KRABD4: variants seen among roughly 807,000 people sequenced by gnomAD.
KRABD4 encodes KRAB domain-containing protein 4.
the KRABD4 span, chrX:46,473,526 T>C: frequency 1.5e-6 from 1 of 687,009 alleles, no homozygotes; most frequent in Admixed American, 3.8e-5. Flanking sequence ...GTGGGAAATC[T>C]TTTAGTGTTA....
At chrX:46,450,420 T>C in the KRABD4 span, 67 of 1,169,416 alleles carry the variant, frequency 5.7e-5, 1 homozygote, top group East Asian at 2.0e-3. Context: ...CTCCTAATTT[T>C]GCCTTTATAG....
the KRABD4 span, chrX:46,474,325 C>G: frequency 8.9e-6 from 1 of 111,790 alleles, no homozygotes; most frequent in African/African-American, 3.2e-5. Flanking sequence ...GTTGTGGCCA[C>G]AGTGCATCAT....
the KRABD4 span, among the ~76,000 whole-genome samples, chrX:46,452,285 CTTT>C: frequency 2.0e-5 from 2 of 100,588 alleles, no homozygotes; most frequent in African/African-American, 3.6e-5. Context: ...CTTTCTGGTC[CTTT>C]TTTTTTTTTT....
At chrX:46,456,323 ATAAT>A in the KRABD4 span, 3 of 107,129 alleles carry the variant, frequency 2.8e-5, no homozygotes, top group African/African-American at 1.0e-4. Context: ...AATATAAAGT[ATAAT>A]TTATTAATTA....
the KRABD4 span, chrX:46,463,178 A>G: frequency 1.9e-5 from 23 of 1,200,191 alleles, no homozygotes; most frequent in African/African-American, 5.3e-5. Context: ...ACGAAGTCCT[A>G]TGTCATTTCC....
the KRABD4 span, chrX:46,472,464 C>A: frequency 7.2e-6 from 2 of 276,937 alleles, no homozygotes; most frequent in East Asian, 1.4e-4. Flanking sequence ...AATTTCTGTT[C>A]ACTCCCTCAC....
At chrX:46,462,289 A>T in the KRABD4 span, among the ~76,000 whole-genome samples, 1 of 111,499 alleles carries the variant, frequency 9.0e-6, no homozygotes, top group Non-Finnish European at 1.9e-5. Context: ...AGGCGGGCAG[A>T]TCACAAGGTC....
chrX:46,462,555 A>C, the KRABD4 span: 1 of 643,121 alleles, frequency 1.6e-6, no homozygotes. Context: ...TGGGAACCAG[A>C]CCGTGTGGAT....
At chrX:46,468,884 A>C in the KRABD4 span, among the ~76,000 whole-genome samples, 1 of 111,795 alleles carries the variant, frequency 8.9e-6, no homozygotes. Context: ...CCAAAATCCT[A>C]AATGCTCCAA....
At chrX:46,453,300 G>A in the KRABD4 span, among the ~76,000 whole-genome samples, 2 of 112,023 alleles carry the variant, frequency 1.8e-5, no homozygotes, top group Non-Finnish European at 3.8e-5. Context: ...CGGTGGCACC[G>A]TTGAGTCTCC....
At chrX:46,450,557 C>T in the KRABD4 span, 1 of 858,487 alleles carries the variant, frequency 1.2e-6, no homozygotes, top group South Asian at 2.3e-5. Context: ...TTGAAAATAC[C>T]AATTATCCCC....
At chrX:46,454,794 G>T in the KRABD4 span, among the ~76,000 whole-genome samples, 3 of 111,597 alleles carry the variant, frequency 2.7e-5, no homozygotes, top group African/African-American at 9.8e-5. Context: ...GCGAGATTCT[G>T]TCTCAAAAAA....
chrX:46,473,539 T>A, the KRABD4 span: 1 of 614,668 alleles, frequency 1.6e-6, no homozygotes, highest in Non-Finnish European at 2.5e-6. Flanking sequence ...TAGTGTTAAA[T>A]CAACTCTCAT....
At chrX:46,448,156 A>G in the KRABD4 span, 5 of 112,000 alleles carry the variant, frequency 4.5e-5, no homozygotes, top group African/African-American at 1.6e-4. Flanking sequence ...GGAAGGGAGC[A>G]TAGGTGTTGC....
chrX:46,465,607 A>G, the KRABD4 span, among the ~76,000 whole-genome samples: 255 of 112,768 alleles, frequency 2.3e-3, no homozygotes, highest in Middle Eastern at 9.3e-3. Context: ...CCATAAAAAC[A>G]GTTTTTTTTA....
chrX:46,471,527 G>A, the KRABD4 span, among the ~76,000 whole-genome samples: 4 of 108,789 alleles, frequency 3.7e-5, no homozygotes, highest in Non-Finnish European at 7.6e-5. Flanking sequence ...TTCACTCTTT[G>A]TGTTGTTCAG....
the KRABD4 span, chrX:46,473,072 C>T: frequency 7.5e-6 from 9 of 1,202,379 alleles, no homozygotes; most frequent in African/African-American, 1.6e-4. Flanking sequence ...GCTCAACCTG[C>T]AGAGAGATTT....
chrX:46,460,882 G>A, the KRABD4 span, among the ~76,000 whole-genome samples: 1 of 104,129 alleles, frequency 9.6e-6, no homozygotes, highest in Non-Finnish European at 1.9e-5. Flanking sequence ...CCTCCCAGGA[G>A]TTTTGAGGAT....
At chrX:46,449,992 A>G in the KRABD4 span, among the ~76,000 whole-genome samples, 2 of 111,265 alleles carry the variant, frequency 1.8e-5, no homozygotes, top group African/African-American at 6.5e-5. Context: ...CCTGGGCTCC[A>G]GTGATCTGCC....
Sources: allele counts gnomAD v4.1 joint callset (sites outside exome capture counted in the v4.1 genomes callset), GRCh38; gene constraint gnomAD v4.1.1; transcripts MANE v1.5; gene names NCBI Gene and HGNC (gene_info 2026-07-23, HGNC 2026-07-21).